L3MBTL4: variants seen among roughly 807,000 people sequenced by gnomAD.
The protein encoded by L3MBTL4 is L3MBTL histone methyl-lysine binding protein 4, also known as lethal(3)malignant brain tumor-like protein 4.
L3MBTL4 carries 70 observed loss-of-function variants against 84.5 expected under a neutral mutation model. The ratio of observed to expected loss-of-function variants is 0.83; its 90% CI spans 0.68 to 1.01. The LOEUF (loss-of-function observed/expected upper bound fraction) is 1.01, where lower values mean the gene tolerates loss of function less well. Ranked by LOEUF, L3MBTL4 falls within the 50% of genes least tolerant of loss-of-function variation. The pLI is 0.00. For missense variants in L3MBTL4, 715 were observed against 754.8 expected (o/e 0.95, Z 0.62); for synonymous variants, 274 against 259.8 (o/e 1.05, Z -0.52).
chr18:6,139,671 C>T (rs2060136152), intron 13 of L3MBTL4, among the ~76,000 whole-genome samples: 1 of 152,108 alleles, frequency 6.6e-6, no homozygotes, highest in Non-Finnish European at 1.5e-5. Flanking sequence ...CAACAAATTC[C>T]CTACTTCCTC....
rs565554702 is a variant in L3MBTL4 at position 6,121,182 on chromosome 18, A to T, written c.1199+17012T>A. Among the ~76,000 whole-genome samples the T allele has an allele frequency of 3.9e-5, 6 of 152,366 alleles. No homozygotes were observed. The East Asian group carries it at 1.2e-3, about 29-fold the overall frequency. ...TGCCACTGTATCTATTTTAGTAAGC[A>T]GCATGTTCATTTACAGATGCACAGC... is the stretch of plus-strand genomic sequence containing the variant. On this transcript the variant is annotated intron_variant, in intron 14 of 18. Transcript: ENST00000317931.
At chr18:6,270,580 C>T (rs1359409904) in intron 4 of L3MBTL4, among the ~76,000 whole-genome samples, 1 of 152,188 alleles carries the variant, frequency 6.6e-6, no homozygotes, top group African/African-American at 2.4e-5. Context: ...ACTCTGAACA[C>T]AGAAAGCTCC....
At chr18:6,250,086 C>T (rs1222932491) in intron 5 of L3MBTL4, among the ~76,000 whole-genome samples, 1 of 152,164 alleles carries the variant, frequency 6.6e-6, no homozygotes, top group Admixed American at 6.5e-5. Flanking sequence ...CTCTTGAGTA[C>T]AAAAGTTAAG....
At chr18:6,125,289 A>C (rs2059655375) in intron 14 of L3MBTL4, among the ~76,000 whole-genome samples, 1 of 152,244 alleles carries the variant, frequency 6.6e-6, no homozygotes, top group South Asian at 2.1e-4. Flanking sequence ...GGCATAAAGC[A>C]AATTGGCATA....
At chr18:5,969,093 G>A (rs1300548787) in intron 17 of L3MBTL4, among the ~76,000 whole-genome samples, 1 of 152,100 alleles carries the variant, frequency 6.6e-6, no homozygotes, top group Non-Finnish European at 1.5e-5. Context: ...GGAATTGGAG[G>A]CTTAAGCCCC....
intron 12 of L3MBTL4, among the ~76,000 whole-genome samples, chr18:6,211,643 T>C (rs539481215): frequency 1.3e-4 from 19 of 151,962 alleles, no homozygotes; most frequent in Non-Finnish European, 2.8e-4. Flanking sequence ...ATCTTAGAAA[T>C]GAAATACTTT....
intron 16 of L3MBTL4, among the ~76,000 whole-genome samples, chr18:6,002,021 C>T (rs1205396400): frequency 6.6e-6 from 1 of 152,024 alleles, no homozygotes; most frequent in Non-Finnish European, 1.5e-5. Context: ...AAGCCAAATA[C>T]AAAGAAGGAA....
chr18:6,057,255 C>T (rs1339671664), intron 16 of L3MBTL4, among the ~76,000 whole-genome samples: 1 of 152,118 alleles, frequency 6.6e-6, no homozygotes, highest in Non-Finnish European at 1.5e-5. Flanking sequence ...TCTCAAACTC[C>T]TGACCTAAGG....
intron 16 of L3MBTL4, among the ~76,000 whole-genome samples, chr18:6,019,184 T>C (rs2055136313): frequency 1.3e-5 from 2 of 152,182 alleles, no homozygotes; most frequent in Admixed American, 6.5e-5. Flanking sequence ...CTAAGTATAC[T>C]AGGCTGATGA....
At chr18:6,321,935 A>G (rs1456435885) in intron 1 of L3MBTL4, among the ~76,000 whole-genome samples, 1 of 152,182 alleles carries the variant, frequency 6.6e-6, no homozygotes, top group Admixed American at 6.5e-5. Context: ...AAAAAAAACT[A>G]CATATTTGGT....
intron 16 of L3MBTL4, among the ~76,000 whole-genome samples, chr18:6,007,315 C>G (rs927911533): frequency 8.6e-6 from 1 of 115,842 alleles, no homozygotes; most frequent in Non-Finnish European, 2.2e-5. Context: ...CACAAATGAC[C>G]CTTAAACATA....
chr18:6,133,397 C>A (rs2059934018), intron 14 of L3MBTL4, among the ~76,000 whole-genome samples: 1 of 151,908 alleles, frequency 6.6e-6, no homozygotes. Context: ...GGAAGATGAT[C>A]TCCATGGCTA....
chr18:6,010,904 A>G (rs1236236115), intron 16 of L3MBTL4, among the ~76,000 whole-genome samples: 1 of 152,210 alleles, frequency 6.6e-6, no homozygotes, highest in African/African-American at 2.4e-5. Context: ...TTTCTTTAAT[A>G]TGCCCATGAC....
chr18:6,357,552 T>C (rs2053500413), intron 1 of L3MBTL4, among the ~76,000 whole-genome samples: 1 of 152,220 alleles, frequency 6.6e-6, no homozygotes, highest in Admixed American at 6.5e-5. Context: ...TTAACAGGAA[T>C]GCACAAGTCC....
At chr18:6,411,389 G>A (rs776341156) in intron 1 of L3MBTL4, among the ~76,000 whole-genome samples, 9 of 152,100 alleles carry the variant, frequency 5.9e-5, no homozygotes, top group Non-Finnish European at 1.2e-4. Flanking sequence ...AATGCTATTC[G>A]AATGAAGGGA....
At chr18:5,987,671 A>G (rs1352163321) in intron 16 of L3MBTL4, among the ~76,000 whole-genome samples, 1 of 152,216 alleles carries the variant, frequency 6.6e-6, no homozygotes, top group Non-Finnish European at 1.5e-5. Context: ...GCCTTTTAGT[A>G]AAAGTTCATA....
At chr18:6,363,064 T>C (rs2053779324) in intron 1 of L3MBTL4, among the ~76,000 whole-genome samples, 1 of 152,206 alleles carries the variant, frequency 6.6e-6, no homozygotes, top group African/African-American at 2.4e-5. Flanking sequence ...ACAGAGATAA[T>C]AGTCTAGGAC....
intron 16 of L3MBTL4, among the ~76,000 whole-genome samples, chr18:6,013,058 T>C (rs58333188): frequency 0.073 from 11,154 of 152,116 alleles, 525 homozygotes; most frequent in East Asian, 0.12. Flanking sequence ...ACCAAGTGGT[T>C]CCCTCAAACA....
intron 4 of L3MBTL4, among the ~76,000 whole-genome samples, chr18:6,282,186 G>C (rs983601062): frequency 9.9e-5 from 15 of 152,274 alleles, no homozygotes; most frequent in African/African-American, 3.6e-4. Flanking sequence ...CTGTGTACTA[G>C]GCTCTATGGG....
Sources: gnomAD v4.1 joint callset for allele counts (sites outside exome capture counted in the v4.1 genomes callset) on GRCh38, gnomAD v4.1.1 for gene constraint, MANE v1.5 for transcripts, NCBI Gene and HGNC (gene_info 2026-07-23, HGNC 2026-07-21) for gene names.